RNF212: variants seen among roughly 807,000 people sequenced by gnomAD.
The protein encoded by RNF212 is probable E3 SUMO-protein ligase RNF212.
RNF212 carries 33 observed loss-of-function variants against 34.7 expected under a neutral mutation model. That is an observed-to-expected ratio of 0.95 (90% CI 0.72 to 1.27). The LOEUF (loss-of-function observed/expected upper bound fraction) is 1.27, where lower values mean the gene tolerates loss of function less well. Among genes scored for constraint, RNF212 ranks in the 50% most tolerant of loss-of-function variants. The pLI is 0.00. For missense variants in RNF212, 377 were observed against 362.2 expected (o/e 1.04, Z -0.33); for synonymous variants, 140 against 136.1 (o/e 1.03, Z -0.20).
chr4:1,085,509 C>T (rs1030356598), intron 5 of RNF212, among the ~76,000 whole-genome samples: 2 of 152,198 alleles, frequency 1.3e-5, no homozygotes, highest in Non-Finnish European at 2.9e-5. Context: ...CAAACGGCTA[C>T]GACTCCTGGC....
Position 1,072,858 on chromosome 4 carries a change from G to A in RNF212, c.*16C>T. On this transcript the variant is annotated 3_prime_UTR_variant, in exon 10 of 10. Coordinates refer to ENST00000433731, the MANE Select transcript of RNF212 (RefSeq NM_001131034.4). ...TTGAAAACACTCAGAATCATTAATAGTCACATAAATGCAAATCAAAATGAC... is the reference window on the plus strand; with the variant it reads ...TTGAAAACACTCAGAATCATTAATAATCACATAAATGCAAATCAAAATGAC... 6.4e-7 allele frequency: 1 copy of A among 1,563,220 alleles called. No homozygotes were observed. Among genetic ancestry groups the A allele is most frequent in the Non-Finnish European group, 8.7e-7 (1 of 1,151,770 alleles).
At chr4:1,061,964 C>T (rs955207255) in intron 3 of RNF212, among the ~76,000 whole-genome samples, 5 of 152,182 alleles carry the variant, frequency 3.3e-5, no homozygotes, top group East Asian at 1.9e-4. Flanking sequence ...CCACGCTGTG[C>T]GGCCCAGATC....
chr4:1,110,713 A>T (rs1725525663), intron 1 of RNF212, among the ~76,000 whole-genome samples: 1 of 152,220 alleles, frequency 6.6e-6, no homozygotes, highest in Non-Finnish European at 1.5e-5. Flanking sequence ...GATATACACC[A>T]GAGCTAAACA....
intron 1 of RNF212, among the ~76,000 whole-genome samples, chr4:1,110,303 T>C (rs1310102326): frequency 6.6e-6 from 1 of 151,910 alleles, no homozygotes; most frequent in Non-Finnish European, 1.5e-5. Context: ...AAAATGAAGG[T>C]CAAGGTCACT....
chr4:1,090,976 A>C (rs2153051871), intron 3 of RNF212, 138 bp from the exon 4 acceptor site: 1 of 615,466 alleles, frequency 1.6e-6, no homozygotes, highest in African/African-American at 1.9e-5. Context: ...GCCCCCACAG[A>C]CGCCCATGGC....
At chr4:1,064,652 G>A (rs367776205) in intron 3 of RNF212, among the ~76,000 whole-genome samples, 1 of 152,084 alleles carries the variant, frequency 6.6e-6, no homozygotes, top group Non-Finnish European at 1.5e-5. Context: ...AATTTATGAT[G>A]ATACAGTTTC....
chr4:1,069,250 T>C (rs1285339649), downstream of RNF212, among the ~76,000 whole-genome samples: 1 of 151,908 alleles, frequency 6.6e-6, no homozygotes, highest in Non-Finnish European at 1.5e-5. Flanking sequence ...TTGTTATAAA[T>C]TAGTGAATAC....
At chr4:1,084,522 G>A (rs1720864933) in intron 5 of RNF212, among the ~76,000 whole-genome samples, 1 of 151,894 alleles carries the variant, frequency 6.6e-6, no homozygotes, top group Non-Finnish European at 1.5e-5. Flanking sequence ...TTGAGCTCAG[G>A]AGTCCAAGAC....
At chr4:1,092,792 T>C (rs1392460684) in intron 3 of RNF212, among the ~76,000 whole-genome samples, 1 of 152,146 alleles carries the variant, frequency 6.6e-6, no homozygotes. Context: ...TCCTGCGAAC[T>C]GGGAGGCCGC....
chr4:1,059,185 C>T (rs1003115058), intron 3 of RNF212, among the ~76,000 whole-genome samples: 5 of 152,234 alleles, frequency 3.3e-5, no homozygotes, highest in African/African-American at 1.2e-4. Context: ...CAGGAGGCCC[C>T]GAGCACAAGG....
Position 1,072,795 on chromosome 4 carries a change from A to C in RNF212, c.*79T>G. On this transcript the variant is annotated 3_prime_UTR_variant, in exon 10 of 10. Transcript: ENST00000433731. ...GCTTCCACATAAATGACAAAGGAAT[A>C]AAGCAGATAATTTGTAGAAAAAACA... is the stretch of plus-strand genomic sequence containing the variant. 1 of 1,484,244 alleles carries C rather than the reference A, an allele frequency of 6.7e-7. No individual in the cohort carries two copies. Among genetic ancestry groups the C allele is most frequent in the African/African-American group, 1.4e-5 (1 of 71,128 alleles). 91.9% of individuals were successfully genotyped at this position (1,484,244 alleles called of 1,614,324 possible). A position where few individuals can be genotyped will look rare whatever the true frequency, so the allele number is the denominator to read the frequency against.
chr4:1,101,634 G>A (rs10033163), intron 2 of RNF212: 18,267 of 199,954 alleles, frequency 0.091, 956 homozygotes, highest in African/African-American at 0.13. Context: ...GACATCATCT[G>A]CTACATCGTC....
chr4:1,096,829 T>C lies in RNF212; in HGVS notation c.182A>G (p.Asp61Gly), dbSNP rs1209967285. The change falls in exon 3 of 10, where the codon GAT becomes GGT. Residue 61 changes from aspartate to glycine, a missense_variant. Coordinates refer to ENST00000433731, the MANE Select transcript of RNF212 (RefSeq NM_001131034.4). ...TATGCTCATGAAGAATGCCTGGATA[T>C]CTGCGTCGGTCTGAAAGAGAAAGAA... ...TVLLSKHTDA[D>G]IQAFFMSIDS... 1.9e-6 allele frequency: 3 copies of C among 1,609,916 alleles called. No individual in the cohort carries two copies. The highest frequency in any genetic ancestry group is 2.6e-6 in the Non-Finnish European group (3 of 1,176,062).
chr4:1,112,704 C>G (rs1010420509), intron 1 of RNF212, among the ~76,000 whole-genome samples: 10 of 143,578 alleles, frequency 7.0e-5, no homozygotes, highest in Non-Finnish European at 1.2e-4. Flanking sequence ...CATCTTGCAT[C>G]CCGCTCCCCC....
rs1398573380 is a variant in RNF212, at chr4:1,090,774, C to A, written c.303+8G>T. On this transcript the variant is annotated splice_region_variant and intron_variant, in intron 4 of 9. Coordinates refer to ENST00000433731, the MANE Select transcript of RNF212 (RefSeq NM_001131034.4). ...AAATTCAAGTGGCAATGAATCAATT[C>A]CACTTACCTTTTCTCTATAGAAGGC... 6.6e-7 allele frequency: 1 copy of A among 1,514,852 alleles called. No individual in the cohort carries two copies. Among genetic ancestry groups the A allele is most frequent in the East Asian group, 2.3e-5 (1 of 44,284 alleles). The allele number at this position is 1,514,852 out of a possible 1,614,324, so 93.8% of individuals were successfully genotyped here.
chr4:1,063,640 C>CA (rs1379843047), intron 3 of RNF212, among the ~76,000 whole-genome samples: 4 of 148,060 alleles, frequency 2.7e-5, no homozygotes, highest in Non-Finnish European at 5.9e-5. Context: ...GTGGAGGTTG[C>CA]AGTGAGATCA....
At chr4:1,092,875 G>A (rs1403389290) in intron 3 of RNF212, among the ~76,000 whole-genome samples, 1 of 152,250 alleles carries the variant, frequency 6.6e-6, no homozygotes, top group African/African-American at 2.4e-5. Flanking sequence ...GAGGCCAGGA[G>A]AGGCGGCTGC....
chr4:1,086,152 A>G (rs1436560861), intron 4 of RNF212, among the ~76,000 whole-genome samples, 198 bp from the exon 5 acceptor site: 1 of 152,222 alleles, frequency 6.6e-6, no homozygotes, highest in East Asian at 1.9e-4. Context: ...TGCAGAGCGA[A>G]GTCAAACCCA....
chr4:1,067,211 G>A (rs909958710), downstream of RNF212, among the ~76,000 whole-genome samples: 2 of 152,058 alleles, frequency 1.3e-5, no homozygotes, highest in African/African-American at 2.4e-5. Context: ...TGAATTTTGG[G>A]GGGACTCAAA....
Sources: allele counts gnomAD v4.1 joint callset (sites outside exome capture counted in the v4.1 genomes callset), GRCh38; gene constraint gnomAD v4.1.1; transcripts MANE v1.5; gene names NCBI Gene and HGNC (gene_info 2026-07-23, HGNC 2026-07-21).